The following SYNDIG1 variants were observed in gnomAD, a reference collection of about 807,000 sequenced individuals.
SYNDIG1 encodes synapse differentiation-inducing gene protein 1.
SYNDIG1 carries 9 observed loss-of-function variants against 19.4 expected under a neutral mutation model. The ratio of observed to expected loss-of-function variants is 0.46; its 90% confidence interval spans 0.28 to 0.81. The LOEUF is 0.81. Ranked by LOEUF, SYNDIG1 falls within the 30% of genes least tolerant of loss-of-function variation. The probability of loss-of-function intolerance (pLI) is 0.12; values close to 1 mark genes in which losing one functional copy is unlikely to be tolerated. For synonymous variants in SYNDIG1, 141 were observed against 145.9 expected (o/e 0.97, Z 0.24); for missense variants, 311 against 343.3 (o/e 0.91, Z 0.74).
rs139927077 is a variant in SYNDIG1, at chr20:24,650,766, G to T, written c.619-14580G>T. ...GTTTCTTGAAAATGCAATGTATCTT[G>T]TACTTCTTACAGCTCACTTCTGGCT... On this transcript the variant is annotated intron_variant, in intron 3 of 3. Coordinates refer to ENST00000376862, the MANE Select transcript of SYNDIG1 (RefSeq NM_024893.3). Among the ~76,000 whole-genome samples the T allele has an allele frequency of 7.6e-3, 1,152 of 152,292 alleles. 14 individuals are homozygous for T. The highest frequency in any genetic ancestry group is 0.026 in the African/African-American group (1,084 of 41,546).
chr20:24,633,277 C>G (rs764368523), intron 3 of SYNDIG1, among the ~76,000 whole-genome samples: 2 of 152,170 alleles, frequency 1.3e-5, no homozygotes, highest in African/African-American at 4.8e-5. Flanking sequence ...TCTGAGCCCT[C>G]GCTGGCTGCA....
intron 3 of SYNDIG1, among the ~76,000 whole-genome samples, chr20:24,650,860 G>C (rs750610398): frequency 6.6e-5 from 10 of 151,898 alleles, no homozygotes; most frequent in Non-Finnish European, 1.3e-4. Context: ...TTTTGAGACA[G>C]AGCCTCACTC....
chr20:24,645,847 T>C (rs961134773), intron 3 of SYNDIG1, among the ~76,000 whole-genome samples: 3 of 152,244 alleles, frequency 2.0e-5, no homozygotes, highest in Non-Finnish European at 4.4e-5. Flanking sequence ...ATTCAAATCT[T>C]GGTTCTCTCC....
chr20:24,656,811 G>A (rs1339083311), intron 3 of SYNDIG1, among the ~76,000 whole-genome samples: 4 of 152,252 alleles, frequency 2.6e-5, no homozygotes, highest in African/African-American at 9.6e-5. Flanking sequence ...CCTGGCCAGG[G>A]CCAGATGTTT....
intron 1 of SYNDIG1, among the ~76,000 whole-genome samples, chr20:24,485,263 A>G (rs902908569): frequency 6.6e-6 from 1 of 152,236 alleles, no homozygotes; most frequent in African/African-American, 2.4e-5. Flanking sequence ...ATGTCTGTAT[A>G]TATTCTTAGT....
chr20:24,516,722 A>C (rs2146506689), intron 1 of SYNDIG1, among the ~76,000 whole-genome samples: 1 of 152,376 alleles, frequency 6.6e-6, no homozygotes, highest in Non-Finnish European at 1.5e-5. Context: ...TGTTGGTTGG[A>C]CTGTAAACTA....
At chr20:24,499,912 C>T (rs1361501581) in intron 1 of SYNDIG1, among the ~76,000 whole-genome samples, 6 of 152,194 alleles carry the variant, frequency 3.9e-5, no homozygotes, top group African/African-American at 1.4e-4. Flanking sequence ...CCTTATAAAT[C>T]ATGCCAGTAA....
At chr20:24,498,467 GT>G (rs2056355960) in intron 1 of SYNDIG1, among the ~76,000 whole-genome samples, 1 of 152,132 alleles carries the variant, frequency 6.6e-6, no homozygotes, top group Non-Finnish European at 1.5e-5. Context: ...TTGTCATTTT[GT>G]ATAACCAAAA....
At chr20:24,571,779 T>C (rs1165993734) in intron 2 of SYNDIG1, among the ~76,000 whole-genome samples, 3 of 152,226 alleles carry the variant, frequency 2.0e-5, no homozygotes, top group Non-Finnish European at 2.9e-5. Context: ...ATAATTTGGT[T>C]TTACACAGAG....
At chr20:24,655,346 A>G (rs559614978) in intron 3 of SYNDIG1, among the ~76,000 whole-genome samples, 1 of 152,366 alleles carries the variant, frequency 6.6e-6, no homozygotes, top group Non-Finnish European at 1.5e-5. Context: ...TACGTAGTCA[A>G]AATAATGACC....
intron 2 of SYNDIG1, among the ~76,000 whole-genome samples, chr20:24,556,939 A>G (rs1249881336): frequency 2.0e-5 from 3 of 152,198 alleles, no homozygotes; most frequent in African/African-American, 7.2e-5. Flanking sequence ...ACTTTCAGGT[A>G]CACCAATCCG....
At chr20:24,555,584 G>T (rs2057797570) in intron 2 of SYNDIG1, among the ~76,000 whole-genome samples, 2 of 152,258 alleles carry the variant, frequency 1.3e-5, no homozygotes, top group East Asian at 1.9e-4. Flanking sequence ...TTCAGGAGCA[G>T]GTTGTTCAGT....
intron 1 of SYNDIG1, among the ~76,000 whole-genome samples, chr20:24,501,065 T>A (rs1011302642): frequency 6.6e-6 from 1 of 152,190 alleles, no homozygotes; most frequent in African/African-American, 2.4e-5. Flanking sequence ...ACTAAAATAA[T>A]TTGAAGCTTT....
At chr20:24,588,130 A>T (rs995336458) in intron 3 of SYNDIG1, among the ~76,000 whole-genome samples, 1 of 152,162 alleles carries the variant, frequency 6.6e-6, no homozygotes, top group Non-Finnish European at 1.5e-5. Context: ...TGACCCATAC[A>T]GTGATGTTAA....
chr20:24,584,904 C>T lies in SYNDIG1; in HGVS notation c.529C>T (p.Pro177Ser). 5.0e-6 allele frequency: 8 copies of T among 1,614,120 alleles called. No homozygotes were observed. Among genetic ancestry groups the T allele is most frequent in the Non-Finnish European group, 3.4e-6 (4 of 1,180,022 alleles). Residue 177 changes from proline (P) to serine (S), a missense_variant, in exon 3 of 4, where the codon CCC becomes TCC. Coordinates refer to ENST00000376862, the MANE Select transcript of SYNDIG1 (RefSeq NM_024893.3). ...TESEDNFLMM[P>S]PRDHLGLSVF... The stretch of plus-strand genomic sequence containing the variant: ...GAGTGAGGACAATTTCCTCATGATG[C>T]CCCCGCGGGACCACCTGGGCCTCAG...
chr20:24,631,912 G>A (rs1480514790), intron 3 of SYNDIG1, among the ~76,000 whole-genome samples: 2 of 152,150 alleles, frequency 1.3e-5, no homozygotes, highest in African/African-American at 4.8e-5. Context: ...TGCAGTGTTG[G>A]TGACTTCTGA....
chr20:24,573,987 C>G (rs750323446), intron 2 of SYNDIG1, among the ~76,000 whole-genome samples: 10 of 152,166 alleles, frequency 6.6e-5, no homozygotes, highest in East Asian at 5.8e-4. Flanking sequence ...ATCTCTGCCC[C>G]CAGGAGACCA....
intron 3 of SYNDIG1, among the ~76,000 whole-genome samples, chr20:24,663,523 C>T (rs910373262): frequency 2.0e-5 from 3 of 152,130 alleles, no homozygotes; most frequent in Non-Finnish European, 4.4e-5. Flanking sequence ...AGAGAAGTAT[C>T]GCATTCCTCC....
chr20:24,559,783 A>T (rs1479528778), intron 2 of SYNDIG1, among the ~76,000 whole-genome samples: 1 of 152,114 alleles, frequency 6.6e-6, no homozygotes, highest in Admixed American at 6.5e-5. Context: ...CACTTGTAAC[A>T]TGTCACTCTG....
Sources: gnomAD v4.1 joint callset for allele counts (sites outside exome capture counted in the v4.1 genomes callset) on GRCh38, gnomAD v4.1.1 for gene constraint, MANE v1.5 for transcripts, NCBI Gene and HGNC (gene_info 2026-07-23, HGNC 2026-07-21) for gene names.